Variants in MYO18B observed in about 807,000 individuals in gnomAD.
MYO18B encodes the protein myosin XVIIIB, also known as unconventional myosin-XVIIIb.
In MYO18B, 204 loss-of-function variants were observed where a neutral mutation model predicts 273.0. The observed-to-expected ratio is 0.75, with a 90% CI of 0.67 to 0.84. The LOEUF (loss-of-function observed/expected upper bound fraction) is 0.84. MYO18B is among the 40% of genes least tolerant of loss of function. The probability of loss-of-function intolerance (pLI) is 0.00; values close to 1 mark genes in which losing one functional copy is unlikely to be tolerated. For missense variants in MYO18B, 3,212 were observed against 3,287.6 expected (o/e 0.98, Z 0.56); for synonymous variants, 1,330 against 1,305.7 (o/e 1.02, Z -0.40).
intron 39 of MYO18B, among the ~76,000 whole-genome samples, chr22:25,987,815 GTTGT>G (rs1049257804): frequency 3.3e-5 from 5 of 152,172 alleles, no homozygotes; most frequent in African/African-American, 9.7e-5. Flanking sequence ...ATATATGGAT[GTTGT>G]TTGTCTACAG....
chr22:25,835,515 A>G (rs2089866573), intron 17 of MYO18B, 72 bp downstream of exon 17: 3 of 1,592,246 alleles, frequency 1.9e-6, no homozygotes, highest in Admixed American at 1.7e-5. Flanking sequence ...TCTCTGCTGC[A>G]GGGAAAGCCC....
chr22:26,015,798 T>C (rs1045195067), intron 42 of MYO18B, among the ~76,000 whole-genome samples: 3 of 152,170 alleles, frequency 2.0e-5, no homozygotes, highest in Admixed American at 6.5e-5. Flanking sequence ...CCCCTGAACT[T>C]AAAAGTTTTT....
At chr22:25,976,017 C>T (rs1482036902) in intron 39 of MYO18B, among the ~76,000 whole-genome samples, 1 of 152,172 alleles carries the variant, frequency 6.6e-6, no homozygotes, top group Non-Finnish European at 1.5e-5. Flanking sequence ...TACCCTTATG[C>T]CTGTAGCTTG....
intron 39 of MYO18B, among the ~76,000 whole-genome samples, chr22:25,970,222 G>A (rs371604728): frequency 4.6e-5 from 7 of 151,814 alleles, no homozygotes; most frequent in South Asian, 4.2e-4. Context: ...TGTGACCACC[G>A]CCATCATCAT....
In MYO18B at chr22:25,949,615, AC is replaced by A. The variant is rs1396620834; in HGVS notation, c.5749-751del. ...TTCTGCTGGACAAGGAATAATAATA[AC>A]AAAATAATTGATGATATCATCCACA... On this transcript the variant is annotated intron_variant, in intron 36 of 43. Transcript: ENST00000335473. Among the ~76,000 whole-genome samples, 3 of 152,316 alleles carry A rather than the reference AC, an allele frequency of 2.0e-5. No homozygotes were observed. In the East Asian group the frequency reaches 5.8e-4, roughly 29 times the overall value.
chr22:25,960,262 G>T (rs1015794908), intron 39 of MYO18B, among the ~76,000 whole-genome samples: 1 of 152,122 alleles, frequency 6.6e-6, no homozygotes, highest in East Asian at 1.9e-4. Flanking sequence ...TGTCATTAGA[G>T]CGATGAAGCA....
At chr22:25,745,262 A>G (rs1421544628) in intron 1 of MYO18B, among the ~76,000 whole-genome samples, 2 of 151,988 alleles carry the variant, frequency 1.3e-5, no homozygotes, top group African/African-American at 2.4e-5. Flanking sequence ...GGAGTGCACC[A>G]CCACGCCCGG....
At chr22:26,025,067 C>G (rs749006125) in intron 42 of MYO18B, among the ~76,000 whole-genome samples, 10 of 152,170 alleles carry the variant, frequency 6.6e-5, no homozygotes, top group Non-Finnish European at 1.2e-4. Flanking sequence ...GACCTAATCA[C>G]CTCCCAAAAG....
chr22:25,874,894 C>T (rs4618153), intron 23 of MYO18B, among the ~76,000 whole-genome samples: 1 of 152,180 alleles, frequency 6.6e-6, no homozygotes, highest in Non-Finnish European at 1.5e-5. Flanking sequence ...GTTCGAATTC[C>T]ACCTCTACCT....
chr22:25,810,871 A>G lies in MYO18B; in HGVS notation c.2522-12634A>G, dbSNP rs78446973. ...TGTGATGAACCAATACTGATACTCT[A>G]TTAGCAGCAAAGGTCCATCTATACT... On this transcript the variant is annotated intron_variant, in intron 12 of 43. Transcript: ENST00000335473. Among the ~76,000 whole-genome samples the G allele has an allele frequency of 3.3e-4, 50 of 152,284 alleles. 2 individuals carry two copies. The East Asian group carries it at 8.9e-3, about 27-fold the overall frequency.
chr22:25,748,125 C>G (rs1397508353), intron 1 of MYO18B, among the ~76,000 whole-genome samples: 1 of 152,200 alleles, frequency 6.6e-6, no homozygotes, highest in Non-Finnish European at 1.5e-5. Flanking sequence ...TGAGAAAAGG[C>G]TGAAGGTGAC....
At position 25,780,657 on chromosome 22, in the gene MYO18B, A is replaced by G. The variant is rs1452721809; in HGVS notation, c.2211+459A>G. ...AAAGAAAATAGTAATAATAATAATAAAATAATGAAATGGTCATGGATCCCC... is the reference window on the plus strand; with the variant it reads ...AAAGAAAATAGTAATAATAATAATAGAATAATGAAATGGTCATGGATCCCC... On this transcript the variant is annotated intron_variant, in intron 9 of 43. Coordinates refer to ENST00000335473, the MANE Select transcript of MYO18B (RefSeq NM_032608.7). Among the ~76,000 whole-genome samples the G allele has an allele frequency of 2.0e-5, 3 of 150,224 alleles. No homozygotes were observed. In the East Asian group the frequency reaches 5.8e-4, roughly 29 times the overall value.
downstream of MYO18B, among the ~76,000 whole-genome samples, chr22:26,035,612 A>G (rs1936763047): frequency 6.6e-6 from 1 of 152,264 alleles, no homozygotes; most frequent in Admixed American, 6.5e-5. Context: ...GGCAAACTCC[A>G]GGGGTTTGAC....
chr22:25,808,049 A>G (rs1409007297), intron 12 of MYO18B, among the ~76,000 whole-genome samples: 1 of 152,180 alleles, frequency 6.6e-6, no homozygotes, highest in East Asian at 1.9e-4. Flanking sequence ...TGTGGTGGGG[A>G]TGGAATGGCT....
intron 12 of MYO18B, among the ~76,000 whole-genome samples, chr22:25,798,650 C>A (rs1184596830): frequency 6.6e-6 from 1 of 152,110 alleles, no homozygotes; most frequent in Non-Finnish European, 1.5e-5. Context: ...GCTTCCACCT[C>A]CTTGGCTCAA....
intron 40 of MYO18B, among the ~76,000 whole-genome samples, chr22:26,002,088 C>T (rs1413196603): frequency 6.6e-6 from 1 of 152,200 alleles, no homozygotes; most frequent in East Asian, 1.9e-4. Flanking sequence ...GACCATTATT[C>T]TGCCTCCTAC....
intron 1 of MYO18B, among the ~76,000 whole-genome samples, chr22:25,760,216 C>G (rs2086259009): frequency 6.6e-6 from 1 of 151,926 alleles, no homozygotes; most frequent in Non-Finnish European, 1.5e-5. Flanking sequence ...GAGTTCGAGT[C>G]CAGCCTGGCC....
chr22:25,782,728 C>T (rs1164870888), intron 10 of MYO18B, among the ~76,000 whole-genome samples: 4 of 152,168 alleles, frequency 2.6e-5, no homozygotes, highest in Admixed American at 6.5e-5. Context: ...AGGACAGCCT[C>T]AACCTGTCTG....
intron 32 of MYO18B, 29 bp downstream of exon 32, chr22:25,908,461 C>G: frequency 6.5e-7 from 1 of 1,546,210 alleles, no homozygotes. Flanking sequence ...CAGCTGTGCC[C>G]TTGGATCCTG....
Sources: gnomAD v4.1 joint callset for allele counts (sites outside exome capture counted in the v4.1 genomes callset) on GRCh38, gnomAD v4.1.1 for gene constraint, MANE v1.5 for transcripts, NCBI Gene and HGNC (gene_info 2026-07-23, HGNC 2026-07-21) for gene names.